XKR5: variants seen among roughly 807,000 people sequenced by gnomAD.
The protein encoded by XKR5 is XK-related protein 5.
A neutral mutation model predicts 40.8 loss-of-function variants in XKR5; 46 were observed. That is an observed-to-expected ratio of 1.13 (90% CI 0.89 to 1.44). The LOEUF (loss-of-function observed/expected upper bound fraction) is 1.44. Ranked by LOEUF, XKR5 falls within the 40% of genes most tolerant of loss-of-function variation. The pLI, the probability that XKR5 is intolerant of heterozygous loss-of-function variation, is 0.00. For synonymous variants in XKR5, 466 were observed against 356.1 expected (o/e 1.31, Z -3.48); for missense variants, 1,169 against 844.7 (o/e 1.38, Z -4.76).
intron 6 of XKR5, 128 bp downstream of exon 6, chr8:6,815,679 A>G: frequency 1.6e-6 from 1 of 639,698 alleles, no homozygotes; most frequent in Non-Finnish European, 2.8e-6. Flanking sequence ...CCCACATCGC[A>G]GTGAGCCTGG....
chr8:6,821,886 T>C lies in XKR5; in HGVS notation c.790A>G (p.Met264Val). The part of the protein sequence containing the change: ...SFWDSPSRNR[M>V]VTFYMVMLLE... ...CCACTTGCCATGTAGAACGTGACCA[T>C]CCTATTTCTAGAAGGGCTGTCCCAG... is the stretch of plus-strand genomic sequence containing the variant. Residue 264 changes from methionine (M) to valine (V), a missense_variant, in exon 5 of 7, where the codon ATG becomes GTG. Met to Val is a conservative substitution (Grantham distance 21). Coordinates refer to ENST00000618742, the MANE Select transcript of XKR5 (RefSeq NM_207411.5). 2 of 1,613,348 alleles carry C rather than the reference T, an allele frequency of 1.2e-6. No homozygotes were observed. The highest frequency in any genetic ancestry group is 1.7e-6 in the Non-Finnish European group (2 of 1,179,666).
Position 6,811,893 on chromosome 8 carries a change from G to A in XKR5, c.1366C>T (p.Pro456Ser), listed in dbSNP as rs1803717265. 7 of 1,537,456 alleles carry A rather than the reference G, an allele frequency of 4.6e-6. 1 individual carries two copies. In the African/African-American group the frequency reaches 5.5e-5, roughly 12 times the overall value. The change falls in exon 7 of 7, where the codon CCA becomes TCA. Residue 456 changes from proline to serine, a missense_variant. Transcript: ENST00000618742. Reference sequence around the variant, plus strand: ...GTTGAGGGGTCACGGGATGAGGATGGGAGCTCTTGCTGGGCAGACAAGGCC... The same window carrying A: ...GTTGAGGGGTCACGGGATGAGGATGAGAGCTCTTGCTGGGCAGACAAGGCC... ...RKALSAQQELPSSSRDPSTLE... is the reference protein window; with the variant it reads ...RKALSAQQELSSSSRDPSTLE...
At chr8:6,830,505 C>G (rs1041488057) in intron 2 of XKR5, among the ~76,000 whole-genome samples, 1 of 152,166 alleles carries the variant, frequency 6.6e-6, no homozygotes, top group Non-Finnish European at 1.5e-5. Flanking sequence ...GGCCTTTATG[C>G]TTGCACTGGC....
rs571928813 is a variant in XKR5 at position 6,825,124 on chromosome 8, G to A, written c.427+41C>T. ...CAGGCTCACATTCCTGTCCCCCTTC[G>A]GCAGTCAGACAGTCTGTGCTCTGTG... On this transcript the variant is annotated intron_variant, in intron 3 of 6. Transcript: ENST00000618742. The A allele has an allele frequency of 4.7e-4, 760 of 1,606,028 alleles. 11 individuals are homozygous for A. The South Asian group carries it at 7.8e-3, about 16-fold the overall frequency.
intron 6 of XKR5, among the ~76,000 whole-genome samples, chr8:6,814,558 G>A (rs1255314351): frequency 3.3e-5 from 5 of 152,204 alleles, no homozygotes; most frequent in Non-Finnish European, 5.9e-5. Flanking sequence ...GTACTACTTT[G>A]AGATCCTGGC....
rs111312995 is a variant in XKR5 at position 6,811,622 on chromosome 8, G to A, written c.1637C>T (p.Ala546Val). 13 of 1,537,436 alleles carry A rather than the reference G, an allele frequency of 8.5e-6. No homozygotes were observed. The African/African-American group carries it at 1.4e-4, about 16-fold the overall frequency. The change falls in exon 7 of 7, where the codon GCC becomes GTC. Residue 546 changes from alanine to valine, a missense_variant. By Grantham distance (64) the Ala-to-Val change is moderately conservative. Coordinates refer to ENST00000618742, the MANE Select transcript of XKR5 (RefSeq NM_207411.5). ...TGAGGATGTGGCCACTTCTGCAGTGGCGCTGAAGTACAACGTGGAACTCTG... is the reference window on the plus strand; with the variant it reads ...TGAGGATGTGGCCACTTCTGCAGTGACGCTGAAGTACAACGTGGAACTCTG... ...GQQSSTLYFS[A>V]TAEVATSSQQ...
intron 3 of XKR5, among the ~76,000 whole-genome samples, chr8:6,824,332 G>A (rs1804366871): frequency 6.6e-6 from 1 of 151,810 alleles, no homozygotes; most frequent in Non-Finnish European, 1.5e-5. Flanking sequence ...GGGGGTGAAG[G>A]GGAGGGGAGA....
intron 6 of XKR5, among the ~76,000 whole-genome samples, chr8:6,813,362 A>G (rs1385988822): frequency 3.3e-5 from 5 of 152,146 alleles, no homozygotes; most frequent in Non-Finnish European, 7.3e-5. Flanking sequence ...ACAAGCAGCC[A>G]CCCAAGGCCA....
At chr8:6,829,856 G>C (rs905281066) in intron 2 of XKR5, among the ~76,000 whole-genome samples, 10 of 40,948 alleles carry the variant, frequency 2.4e-4, no homozygotes, top group African/African-American at 9.9e-4. Flanking sequence ...TTTTTTTTTT[G>C]AGACGGAGTC....
Position 6,812,311 on chromosome 8 carries a change from G to T in XKR5, c.948C>A (p.Ser316Arg), listed in dbSNP as rs1041073584. ...TGTCTGTGGATTTTGGATGCAGCAG[G>T]CTGTAATAAATTACCAGTGAGACAC... ...IGSVSLVIYY[S>R]LLHPKSTDIW... Residue 316 changes from serine (S) to arginine (R), a missense_variant, in exon 7 of 7, where the codon AGC becomes AGA. By Grantham distance (110) the Ser-to-Arg change is moderately radical. Coordinates refer to ENST00000618742, the MANE Select transcript of XKR5 (RefSeq NM_207411.5). 4.5e-6 allele frequency: 7 copies of T among 1,551,274 alleles called. No homozygotes were observed. Among genetic ancestry groups the T allele is most frequent in the Non-Finnish European group, 6.1e-6 (7 of 1,146,786 alleles).
At chr8:6,813,454 G>T (rs143431369) in intron 6 of XKR5, among the ~76,000 whole-genome samples, 23 of 152,306 alleles carry the variant, frequency 1.5e-4, no homozygotes, top group African/African-American at 5.3e-4. Context: ...AGGCCATGTG[G>T]TTTGAGGGTT....
intron 2 of XKR5, among the ~76,000 whole-genome samples, chr8:6,830,383 G>C (rs1358055942): frequency 6.6e-6 from 1 of 152,314 alleles, no homozygotes; most frequent in African/African-American, 2.4e-5. Flanking sequence ...GCTAGTTTCA[G>C]GATGAGGAAT....
In XKR5 at chr8:6,811,042, CCCTGTTTCTTCAT is replaced by C; in HGVS notation, c.*143_*155del. 2 of 657,404 alleles carry C rather than the reference CCCTGTTTCTTCAT, an allele frequency of 3.0e-6. No individual in the cohort carries two copies. Among genetic ancestry groups the C allele is most frequent in the South Asian group, 4.6e-5 (2 of 43,546 alleles). The allele number at this position is 657,404 out of a possible 1,614,324, so 40.7% of individuals were successfully genotyped here. A position where few individuals can be genotyped will look rare whatever the true frequency, so the allele number is the denominator to read the frequency against. On this transcript the variant is annotated 3_prime_UTR_variant, in exon 7 of 7. Transcript: ENST00000618742. ...GCATTGGACCTGCAAAATCATCCAG[CCCTGTTTCTTCAT>C]TTTTCAGGGATGCAGATGGAGATTC...
intron 2 of XKR5, among the ~76,000 whole-genome samples, chr8:6,827,219 A>G (rs1390250121): frequency 6.6e-6 from 1 of 152,162 alleles, no homozygotes; most frequent in Non-Finnish European, 1.5e-5. Flanking sequence ...AGCAGCAATA[A>G]GGAGATGACC....
Position 6,823,733 on chromosome 8 carries a change from G to T in XKR5, c.428-3C>A, listed in dbSNP as rs372068644. 2.2e-5 allele frequency: 34 copies of T among 1,568,488 alleles called. No homozygotes were observed. The highest frequency in any genetic ancestry group is 2.5e-5 in the Non-Finnish European group (29 of 1,156,862). ...CCAGGAAAACAGGGTGCTCACCCCTGAAAGGGAAGCAGAAAGATGTGGTAT... is the reference window on the plus strand; with the variant it reads ...CCAGGAAAACAGGGTGCTCACCCCTTAAAGGGAAGCAGAAAGATGTGGTAT... On this transcript the variant is annotated splice_polypyrimidine_tract_variant and splice_region_variant and intron_variant, in intron 3 of 6. Transcript: ENST00000618742.
chr8:6,814,157 G>C (rs923429585), intron 6 of XKR5, among the ~76,000 whole-genome samples: 12 of 152,214 alleles, frequency 7.9e-5, no homozygotes, highest in African/African-American at 2.9e-4. Context: ...GATGTCCTCA[G>C]TTTCCCATAG....
intron 5 of XKR5, 48 bp downstream of exon 5, chr8:6,821,821 C>G (rs1409229805): frequency 1.3e-6 from 2 of 1,565,090 alleles, no homozygotes; most frequent in Admixed American, 3.6e-5. Flanking sequence ...ACACACCCCA[C>G]TTGCTGTATA....
intron 2 of XKR5, 45 bp from the exon 3 acceptor site, chr8:6,825,394 G>A (rs142859540): frequency 4.2e-5 from 61 of 1,467,538 alleles, no homozygotes; most frequent in Admixed American, 3.7e-4. Flanking sequence ...AGGCTGTGGC[G>A]AGATTCAATA....
At position 6,812,187 on chromosome 8, in the gene XKR5, T is replaced by A; in HGVS notation, c.1072A>T (p.Thr358Ser). ...PRATDLAGKR[T>S]ESSGSCQGAS... is the part of the protein sequence containing the mutation. ...CCTTGGCATGAGCCTGAGCTCTCGG[T>A]TCTCTTCCCAGCTAGATCTGTGGCC... is the stretch of plus-strand genomic sequence containing the variant. The change falls in exon 7 of 7, where the codon ACC (threonine) becomes TCC (serine). Residue 358 changes from threonine to serine, a missense_variant. Coordinates refer to ENST00000618742, the MANE Select transcript of XKR5 (RefSeq NM_207411.5). 6.4e-7 allele frequency: 1 copy of A among 1,551,822 alleles called. No individual in the cohort carries two copies. The highest frequency in any genetic ancestry group is 8.7e-7 in the Non-Finnish European group (1 of 1,147,024).
Sources: allele counts gnomAD v4.1 joint callset (sites outside exome capture counted in the v4.1 genomes callset), GRCh38; gene constraint gnomAD v4.1.1; transcripts MANE v1.5; gene names NCBI Gene and HGNC (gene_info 2026-07-23, HGNC 2026-07-21).